DNAH1: variants seen among roughly 807,000 people sequenced by gnomAD.
DNAH1 encodes the protein axonemal beta dynein heavy chain 1.
In DNAH1, 327 loss-of-function variants were observed where a neutral mutation model predicts 484.3. That is an observed-to-expected ratio of 0.68 (90% CI 0.62 to 0.74). The LOEUF (loss-of-function observed/expected upper bound fraction) is 0.74. DNAH1 is among the 30% of genes least tolerant of loss of function. DNAH1 has a pLI of 0.00. For synonymous variants in DNAH1, 2,192 were observed against 2,191.9 expected (o/e 1.00, Z 0.00); for missense variants, 5,052 against 5,546.8 (o/e 0.91, Z 2.83).
At chr3:52,331,350 G>A (rs1468864393) in intron 7 of DNAH1, 41 bp downstream of exon 7, 1 of 1,569,794 alleles carries the variant, frequency 6.4e-7, no homozygotes, top group African/African-American at 1.4e-5. Context: ...ACCCCAGCTT[G>A]GGCCTGGCCG....
chr3:52,360,932 C>T (rs1478134863), intron 28 of DNAH1, among the ~76,000 whole-genome samples: 2 of 152,044 alleles, frequency 1.3e-5, no homozygotes, highest in African/African-American at 2.4e-5. Flanking sequence ...GGCCACATGT[C>T]GGCCATCCCC....
In DNAH1 at chr3:52,386,827, C is replaced by T. The variant is rs1704133569; in HGVS notation, c.8977C>T (p.Leu2993Phe). 1.3e-6 allele frequency: 2 copies of T among 1,581,466 alleles called. No individual in the cohort carries two copies. The highest frequency in any genetic ancestry group is 1.8e-5 in the Admixed American group (1 of 54,748). ...KGLLQDPGHF[L>F]ESLFKFDKDN... is the part of the protein sequence containing the mutation. ...GCTGCTGCAGGACCCGGGCCACTTC[C>T]TTGAGAGCCTCTTCAAGTTTGACAA... The change falls in exon 56 of 78, where the codon CTT becomes TTT. Residue 2993 changes from leucine (L) to phenylalanine (F), a missense_variant. Coordinates refer to ENST00000420323, the MANE Select transcript of DNAH1 (RefSeq NM_015512.5).
chr3:52,321,261 C>CATG (rs1357447790), intron 1 of DNAH1, among the ~76,000 whole-genome samples: 1 of 151,844 alleles, frequency 6.6e-6, no homozygotes, highest in Admixed American at 6.6e-5. Flanking sequence ...GGATTACAGG[C>CATG]ATGTGCCACC....
At chr3:52,346,126 T>C (rs1702131563) in intron 10 of DNAH1, among the ~76,000 whole-genome samples, 1 of 152,178 alleles carries the variant, frequency 6.6e-6, no homozygotes, top group African/African-American at 2.4e-5. Flanking sequence ...TCTCTATCTT[T>C]CCCTCTCAGC....
chr3:52,392,613 C>T lies in DNAH1; in HGVS notation c.10202C>T (p.Ser3401Phe). The stretch of plus-strand genomic sequence containing the variant: ...CAGATCCTGTACCGGCTCAGCTCCT[C>T]CGAGGGCAACCCTGTAGATGACATG... ...EDQILYRLSS[S>F]EGNPVDDMEL... The change falls in exon 64 of 78, where the codon TCC (serine) becomes TTC (phenylalanine). Residue 3401 changes from serine to phenylalanine, a missense_variant. Ser to Phe is a radical substitution (Grantham distance 155). Transcript: ENST00000420323. 6.2e-7 allele frequency: 1 copy of T among 1,613,646 alleles called. No individual in the cohort carries two copies. Among genetic ancestry groups the T allele is most frequent in the African/African-American group, 1.3e-5 (1 of 75,026 alleles).
In DNAH1 at chr3:52,386,256, G is replaced by C. The variant is rs573387592; in HGVS notation, c.8722G>C (p.Asp2908His). Reference sequence around the variant, plus strand: ...CAAGAAGGCACAAGCTATTGCTGACGATGCCCAGAAGGACCTGGACGAGGC... The same window carrying C: ...CAAGAAGGCACAAGCTATTGCTGACCATGCCCAGAAGGACCTGGACGAGGC... The part of the protein sequence containing the change: ...KAKKAQAIAD[D>H]AQKDLDEALP... The change falls in exon 55 of 78, where the codon GAT (aspartate) becomes CAT (histidine). Residue 2908 changes from aspartate (D) to histidine (H), a missense_variant. Asp to His is a moderately conservative substitution (Grantham distance 81, BLOSUM62 -1). Around this residue, in one of 4 missense-constraint regions of DNAH1, gnomAD observed 2,929 missense variants for 3,409.4 expected, o/e 0.86. Transcript: ENST00000420323. 2 of 1,612,732 alleles carry C rather than the reference G, an allele frequency of 1.2e-6. No individual in the cohort carries two copies. Among genetic ancestry groups the C allele is most frequent in the East Asian group, 4.5e-5 (2 of 44,830 alleles).
Position 52,355,168 on chromosome 3 carries a change from T to C in DNAH1, c.3693+113T>C. Reference sequence around the variant, plus strand: ...TTCAAAGCATCGCAGTGCCTTGCCCTCATTCACACAGCCCCTGGCTCTCTG... The same window carrying C: ...TTCAAAGCATCGCAGTGCCTTGCCCCCATTCACACAGCCCCTGGCTCTCTG... On this transcript the variant is annotated intron_variant, in intron 21 of 77. Coordinates refer to ENST00000420323, the MANE Select transcript of DNAH1 (RefSeq NM_015512.5). The surrounding 1 kb of genome is among the most constrained non-coding windows in gnomAD (Gnocchi z 4.5). The C allele has an allele frequency of 1.9e-6, 2 of 1,052,780 alleles. No individual in the cohort carries two copies. The highest frequency in any genetic ancestry group is 2.8e-6 in the Non-Finnish European group (2 of 711,310). The allele number at this position is 1,052,780 out of a possible 1,614,324, so 65.2% of individuals were successfully genotyped here. A position where few individuals can be genotyped will look rare whatever the true frequency, so the allele number is the denominator to read the frequency against.
chr3:52,394,705 G>A lies in DNAH1; in HGVS notation c.10823+44G>A, dbSNP rs748118038. 48 of 1,537,318 alleles carry A rather than the reference G, an allele frequency of 3.1e-5. 1 individual carries two copies. The Middle Eastern group carries it at 3.5e-3, about 112-fold the overall frequency. On this transcript the variant is annotated intron_variant, in intron 67 of 77. Transcript: ENST00000420323. ...TATGGCAGGATGAGCCCATCGAGGG[G>A]ATGAGTCCCTAGGAAAGGCTTGTCT... is the stretch of plus-strand genomic sequence containing the variant.
intron 60 of DNAH1, 60 bp from the exon 61 acceptor site, chr3:52,390,875 C>G: frequency 6.5e-7 from 1 of 1,546,226 alleles, no homozygotes; most frequent in South Asian, 1.2e-5. Context: ...GATGCTGATG[C>G]CCTCAGTGAC....
chr3:52,381,749 G>A lies in DNAH1; in HGVS notation c.7718G>A (p.Arg2573His), dbSNP rs576324030. 3.1e-5 allele frequency: 49 copies of A among 1,603,916 alleles called. 1 individual carries two copies. In the South Asian group the frequency reaches 4.2e-4, roughly 14 times the overall value. The change falls in exon 49 of 78, where the codon CGC becomes CAC. Residue 2573 changes from arginine to histidine, a missense_variant. Around this residue, in one of 4 missense-constraint regions of DNAH1, gnomAD observed 2,929 missense variants for 3,409.4 expected, o/e 0.86. Transcript: ENST00000420323. This position sits in a 1 kb window ranked among gnomAD's most constrained non-coding sequence, Gnocchi z 4.1. ...ATGAGCCACATCTGTCGCATCAGCCGCACCCTACGCCAGGCGCTGGGCAAT... is the reference window on the plus strand; with the variant it reads ...ATGAGCCACATCTGTCGCATCAGCCACACCCTACGCCAGGCGCTGGGCAAT... ...DAMSHICRISRTLRQALGNAL... is the reference protein window; with the variant it reads ...DAMSHICRISHTLRQALGNAL...
At chr3:52,331,845 C>T (rs930848709) in intron 7 of DNAH1, among the ~76,000 whole-genome samples, 3 of 151,972 alleles carry the variant, frequency 2.0e-5, no homozygotes, top group Non-Finnish European at 4.4e-5. Context: ...AGGTTGGTCT[C>T]GAACTCCTGG....
chr3:52,343,277 C>T (rs1373583176), intron 8 of DNAH1, among the ~76,000 whole-genome samples: 2 of 152,046 alleles, frequency 1.3e-5, no homozygotes, highest in East Asian at 3.9e-4. Context: ...TGGGACATAC[C>T]AGAGTGTGTG....
At chr3:52,397,119 G>A in intron 73 of DNAH1, 75 bp downstream of exon 73, 2 of 1,391,560 alleles carry the variant, frequency 1.4e-6, no homozygotes, top group Non-Finnish European at 1.9e-6. Flanking sequence ...GCACCTTGGT[G>A]CTGGGTGGGA....
chr3:52,396,587 C>G, intron 71 of DNAH1, 31 bp from the exon 72 acceptor site: 1 of 1,611,162 alleles, frequency 6.2e-7, no homozygotes, highest in South Asian at 1.1e-5. Flanking sequence ...CGTCCCCGCT[C>G]CTCACCTCCC....
Position 52,366,901 on chromosome 3 carries a change from C to G in DNAH1, c.5765+14C>G. 6.3e-7 allele frequency: 1 copy of G among 1,599,010 alleles called. No individual in the cohort carries two copies. Among genetic ancestry groups the G allele is most frequent in the Non-Finnish European group, 8.6e-7 (1 of 1,169,032 alleles). On this transcript the variant is annotated intron_variant, in intron 36 of 77. Coordinates refer to ENST00000420323, the MANE Select transcript of DNAH1 (RefSeq NM_015512.5). Reference sequence around the variant, plus strand: ...CACCCATGAGTGGTGAGTGACCCCCCAGCCTCACCGGTGACCCCCTGCTCC... The same window carrying G: ...CACCCATGAGTGGTGAGTGACCCCCGAGCCTCACCGGTGACCCCCTGCTCC...
intron 54 of DNAH1, 115 bp downstream of exon 54, chr3:52,385,562 G>A (rs1231701842): frequency 2.5e-6 from 2 of 791,828 alleles, no homozygotes; most frequent in South Asian, 1.6e-5. Context: ...GCCTCCGTGT[G>A]CCCCAGCTTC....
In DNAH1 at chr3:52,386,334, G is replaced by A. The variant is rs775233870; in HGVS notation, c.8800G>A (p.Asp2934Asn). The A allele has an allele frequency of 2.4e-5, 38 of 1,577,544 alleles. No homozygotes were observed. Among genetic ancestry groups the A allele is most frequent in the African/African-American group, 5.4e-5 (4 of 73,938 alleles). ...LASLRNLNKNDVTEVRAMQRP... is the reference protein window; with the variant it reads ...LASLRNLNKNNVTEVRAMQRP... ...CAGCCTGCGCAACCTCAACAAGAACGATGTGACCGAGGTGGGCAGCAGGGC... is the reference window on the plus strand; with the variant it reads ...CAGCCTGCGCAACCTCAACAAGAACAATGTGACCGAGGTGGGCAGCAGGGC... The change falls in exon 55 of 78, where the codon GAT becomes AAT. Residue 2934 changes from aspartate to asparagine, a missense_variant. Physicochemically the swap from Asp to Asn is conservative, Grantham distance 23 (BLOSUM62 1). Around this residue, in one of 4 missense-constraint regions of DNAH1, gnomAD observed 2,929 missense variants for 3,409.4 expected, o/e 0.86. Transcript: ENST00000420323.
At chr3:52,343,663 C>A (rs1559505519) in intron 8 of DNAH1, among the ~76,000 whole-genome samples, 1 of 152,238 alleles carries the variant, frequency 6.6e-6, no homozygotes, top group East Asian at 1.9e-4. Flanking sequence ...CTGAGATTCC[C>A]TTGTGGTGCC....
rs751982510 is a variant in DNAH1, at chr3:52,395,518, C to T, written c.11128-29C>T. ...GTGGGCTGGGGGGTGGGCAAGCTGG[C>T]CCCCTGCTCAGTGCTCTTGCCCCTG... On this transcript the variant is annotated intron_variant, in intron 69 of 77. Coordinates refer to ENST00000420323, the MANE Select transcript of DNAH1 (RefSeq NM_015512.5). The surrounding 1 kb of genome is among the most constrained non-coding windows in gnomAD (Gnocchi z 4.4). 1.9e-6 allele frequency: 3 copies of T among 1,613,092 alleles called. No individual in the cohort carries two copies. The highest frequency in any genetic ancestry group is 2.2e-5 in the South Asian group (2 of 91,076).
Sources: gnomAD v4.1 joint callset for allele counts (sites outside exome capture counted in the v4.1 genomes callset) on GRCh38, gnomAD v4.1.1 for gene constraint, gnomAD v4.1.1 regional missense constraint, Gnocchi (gnomAD v3.1) non-coding constraint, MANE v1.5 for transcripts, NCBI Gene and HGNC (gene_info 2026-07-23, HGNC 2026-07-21) for gene names.